Variants in RNF24 observed in about 807,000 individuals in gnomAD.
RNF24 encodes ring finger protein 24.
In RNF24, 14 loss-of-function variants were observed where a neutral mutation model predicts 20.0. That is an observed-to-expected ratio of 0.70 (90% CI 0.46 to 1.10). The LOEUF (loss-of-function observed/expected upper bound fraction) is 1.10. Ranked by LOEUF, RNF24 falls within the 50% of genes least tolerant of loss-of-function variation. The pLI is 0.00. For missense variants in RNF24, 124 were observed against 177.6 expected (o/e 0.70, Z 1.71); for synonymous variants, 45 against 61.1 (o/e 0.74, Z 1.23).
chr20:3,955,008 T>C (rs1273630039), intron 2 of RNF24, among the ~76,000 whole-genome samples: 1 of 152,186 alleles, frequency 6.6e-6, no homozygotes, highest in Non-Finnish European at 1.5e-5. Context: ...TTTCTCCACA[T>C]CCTCATTAAC....
chr20:3,950,141 TTGCCTATCC>T lies in RNF24; in HGVS notation c.144-1871_144-1863del, dbSNP rs569682240. The stretch of plus-strand genomic sequence containing the variant: ...CTATTATTCTGCTCCATTGGTCTAT[TTGCCTATCC>T]TTGTATAGTGATGAATGTGTCCGCC... On this transcript the variant is annotated intron_variant, in intron 2 of 5. Coordinates refer to ENST00000358395, the MANE Select transcript of RNF24 (RefSeq NM_001134337.3). Among the ~76,000 whole-genome samples the T allele has an allele frequency of 1.2e-4, 16 of 133,080 alleles. No individual in the cohort carries two copies. In the East Asian group the frequency reaches 3.0e-3, roughly 25 times the overall value. 87.3% of individuals were successfully genotyped at this position (133,080 alleles called of 152,430 possible).
intron 1 of RNF24, among the ~76,000 whole-genome samples, chr20:3,994,588 T>G (rs1407011822): frequency 6.6e-6 from 1 of 152,214 alleles, no homozygotes; most frequent in Non-Finnish European, 1.5e-5. Context: ...CCTTTTCTAA[T>G]TGGTAGCATA....
At chr20:3,953,759 G>GTTT (rs66825220) in intron 2 of RNF24, among the ~76,000 whole-genome samples, 5 of 138,654 alleles carry the variant, frequency 3.6e-5, no homozygotes, top group Non-Finnish European at 3.1e-5. Flanking sequence ...TCTTGTAGTA[G>GTTT]TTTTTTTTTT....
intron 2 of RNF24, among the ~76,000 whole-genome samples, chr20:3,953,935 T>G (rs1005672356): frequency 5.9e-5 from 9 of 151,678 alleles, no homozygotes; most frequent in African/African-American, 2.2e-4. Flanking sequence ...TTTTATATTT[T>G]TAGTAGAGAT....
chr20:3,945,234 G>A lies in RNF24; in HGVS notation c.187-16C>T, dbSNP rs750583768. 1 of 1,581,342 alleles carries A rather than the reference G, an allele frequency of 6.3e-7. No individual in the cohort carries two copies. On this transcript the variant is annotated splice_polypyrimidine_tract_variant and intron_variant, in intron 3 of 5. Coordinates refer to ENST00000358395, the MANE Select transcript of RNF24 (RefSeq NM_001134337.3). ...TTAATATAACCTGTAAGACAAAAAA[G>A]TATGTTCTTATGCCCATTTAAATCT...
chr20:3,950,082 G>C (rs1600643177), intron 2 of RNF24, among the ~76,000 whole-genome samples: 1 of 152,128 alleles, frequency 6.6e-6, no homozygotes, highest in Non-Finnish European at 1.5e-5. Flanking sequence ...TGTAAATCAG[G>C]TGTATTGAAT....
At chr20:3,971,674 T>C (rs1270772834) in intron 1 of RNF24, among the ~76,000 whole-genome samples, 2 of 152,144 alleles carry the variant, frequency 1.3e-5, no homozygotes, top group Non-Finnish European at 2.9e-5. Flanking sequence ...TATAATACAA[T>C]GCCTACAGCA....
rs59341739 is a variant in RNF24 at position 3,952,152 on chromosome 20, G to GA, written c.144-3874dup. 7.9e-3 allele frequency among the ~76,000 whole-genome samples: 1,055 copies of GA among 133,280 alleles called. 13 individuals carry two copies. Among genetic ancestry groups the GA allele is most frequent in the African/African-American group, 0.018 (655 of 37,300 alleles). The allele number at this position is 133,280 out of a possible 152,430, so 87.4% of individuals were successfully genotyped here. ...TCCATATAGATTTCAATTTCCACCA[G>GA]AAAAAAAAAAAAACCCTCTTGGGGT... On this transcript the variant is annotated intron_variant, in intron 2 of 5. Transcript: ENST00000358395.
At chr20:3,991,945 C>CT (rs1491012607) in intron 1 of RNF24, among the ~76,000 whole-genome samples, 2 of 124,786 alleles carry the variant, frequency 1.6e-5, no homozygotes, top group East Asian at 5.4e-4. Flanking sequence ...CACACGCACA[C>CT]ACACACACAC....
Position 3,931,203 on chromosome 20 carries a change from C to G in RNF24, c.*2860G>C, listed in dbSNP as rs550812606. On this transcript the variant is annotated 3_prime_UTR_variant, in exon 6 of 6. Coordinates refer to ENST00000358395, the MANE Select transcript of RNF24 (RefSeq NM_001134337.3). ...TAACCCATAGCAGACCAGCAACATT[C>G]TATCTTTGAGCTGCTTAAGAAACAC... 1 of 152,348 alleles carries G rather than the reference C, an allele frequency of 6.6e-6. No individual in the cohort carries two copies. The highest frequency in any genetic ancestry group is 2.1e-4 in the South Asian group (1 of 4,828). 9.4% of individuals were successfully genotyped at this position (152,348 alleles called of 1,614,324 possible).
chr20:3,960,634 C>G (rs2091191505), intron 2 of RNF24, among the ~76,000 whole-genome samples: 1 of 152,070 alleles, frequency 6.6e-6, no homozygotes, highest in Non-Finnish European at 1.5e-5. Flanking sequence ...CACCACTGCA[C>G]TCCAGCCTGG....
chr20:3,939,411 T>C (rs187444838), intron 4 of RNF24, among the ~76,000 whole-genome samples: 116 of 152,354 alleles, frequency 7.6e-4, no homozygotes, highest in African/African-American at 2.5e-3. Context: ...TTCTTTTGCA[T>C]GTAGATATCC....
intron 1 of RNF24, among the ~76,000 whole-genome samples, chr20:3,997,246 A>G (rs1020969233): frequency 5.3e-5 from 8 of 151,716 alleles, no homozygotes; most frequent in Admixed American, 3.9e-4. Flanking sequence ...AAAAAAAAAA[A>G]AAAAAGAAAT....
At chr20:3,958,744 C>T (rs559311460) in intron 2 of RNF24, among the ~76,000 whole-genome samples, 35 of 152,278 alleles carry the variant, frequency 2.3e-4, no homozygotes, top group African/African-American at 4.1e-4. Context: ...TGGGTTCAAG[C>T]GATTCTCCTG....
At chr20:3,935,945 T>TCCTTC (rs58143179) in intron 4 of RNF24, among the ~76,000 whole-genome samples, 47,940 of 151,926 alleles carry the variant, frequency 0.32, 8,182 homozygotes, top group African/African-American at 0.46. Flanking sequence ...TGAACTCCTT[T>TCCTTC]CTCCCTACTT....
intron 1 of RNF24, among the ~76,000 whole-genome samples, chr20:3,986,443 A>ATTTT (rs1282067107): frequency 6.6e-6 from 1 of 151,660 alleles, no homozygotes; most frequent in Non-Finnish European, 1.5e-5. Flanking sequence ...TTTTGTAGAG[A>ATTTT]TGGGGTTTAA....
chr20:3,942,857 C>T (rs2090974055), intron 4 of RNF24, among the ~76,000 whole-genome samples: 1 of 150,990 alleles, frequency 6.6e-6, no homozygotes, highest in African/African-American at 2.4e-5. Flanking sequence ...ATTCTTGTTG[C>T]CCATGCTGGC....
intron 1 of RNF24, among the ~76,000 whole-genome samples, chr20:3,973,785 G>C (rs1430901388): frequency 6.6e-6 from 1 of 152,098 alleles, no homozygotes; most frequent in East Asian, 1.9e-4. Flanking sequence ...TCCAGGCCAA[G>C]AGGCTTTTAC....
At chr20:3,955,758 G>A (rs925444792) in intron 2 of RNF24, among the ~76,000 whole-genome samples, 18 of 152,252 alleles carry the variant, frequency 1.2e-4, no homozygotes, top group East Asian at 1.9e-4. Flanking sequence ...ATAAATCCAT[G>A]AACATGGGGT....
Sources: allele counts gnomAD v4.1 joint callset (sites outside exome capture counted in the v4.1 genomes callset), GRCh38; gene constraint gnomAD v4.1.1; transcripts MANE v1.5; gene names NCBI Gene and HGNC (gene_info 2026-07-23, HGNC 2026-07-21).